The following OCA2 variants were observed in gnomAD, a reference collection of about 807,000 sequenced individuals.
The protein encoded by OCA2 is OCA2 melanosomal transmembrane protein.
OCA2 carries 77 observed loss-of-function variants against 100.2 expected under a neutral mutation model. That is an observed-to-expected ratio of 0.77 (90% CI 0.64 to 0.93). The LOEUF (loss-of-function observed/expected upper bound fraction) is 0.93, where lower values mean the gene tolerates loss of function less well. OCA2 is among the 40% of genes least tolerant of loss of function. The pLI is 0.00. For synonymous variants in OCA2, 432 were observed against 439.2 expected (o/e 0.98, Z 0.21); for missense variants, 1,062 against 1,089.1 (o/e 0.98, Z 0.35).
At chr15:27,871,798 T>A (rs937377321) in intron 20 of OCA2, 65 bp downstream of exon 20, 5 of 1,194,828 alleles carry the variant, frequency 4.2e-6, no homozygotes, top group African/African-American at 1.5e-5. Flanking sequence ...CTTTTTTTTT[T>A]TAATTTTTTT....
intron 22 of OCA2, among the ~76,000 whole-genome samples, chr15:27,846,173 G>GC (rs1430635027): frequency 6.6e-6 from 1 of 152,068 alleles, no homozygotes; most frequent in African/African-American, 2.4e-5. Context: ...GGCCCAGACA[G>GC]CCCCCTCTGG....
At chr15:27,864,347 G>A (rs776350840) in intron 21 of OCA2, among the ~76,000 whole-genome samples, 10 of 152,164 alleles carry the variant, frequency 6.6e-5, no homozygotes, top group South Asian at 2.1e-4. Context: ...ATTGCAATCC[G>A]CCAGGCTGGG....
the OCA2 span, among the ~76,000 whole-genome samples, chr15:27,725,353 G>A: frequency 1.3e-5 from 2 of 152,154 alleles, no homozygotes; most frequent in Non-Finnish European, 2.9e-5. Context: ...AAGGTGGGTG[G>A]ATCACCTGAG....
chr15:27,857,344 T>C (rs894166166), intron 21 of OCA2, among the ~76,000 whole-genome samples: 4 of 152,172 alleles, frequency 2.6e-5, no homozygotes, highest in African/African-American at 9.7e-5. Flanking sequence ...TCAGGGCTTA[T>C]CTAGAATATT....
chr15:28,019,964 G>A (rs2141274774), intron 6 of OCA2, among the ~76,000 whole-genome samples: 1 of 152,288 alleles, frequency 6.6e-6, no homozygotes, highest in Non-Finnish European at 1.5e-5. Context: ...GCCTGCTGGA[G>A]GCTCAAATCA....
At position 28,024,743 on chromosome 15, in the gene OCA2, A is replaced by C. The variant is rs917461278; in HGVS notation, c.573+102T>G. 100 of 1,201,744 alleles carry C rather than the reference A, an allele frequency of 8.3e-5. 1 individual carries two copies. The highest frequency in any genetic ancestry group is 2.7e-4 in the South Asian group (22 of 82,644). 74.4% of individuals were successfully genotyped at this position (1,201,744 alleles called of 1,614,324 possible). A position where few individuals can be genotyped will look rare whatever the true frequency, so the allele number is the denominator to read the frequency against. On this transcript the variant is annotated intron_variant, in intron 5 of 23. Transcript: ENST00000354638. ...GTCAGAGAATCAGGCGAAGAGGGCC[A>C]GGCACTGAGCCCCACACCTCAGGTT...
chr15:27,967,801 G>T (rs975193431), intron 14 of OCA2, among the ~76,000 whole-genome samples: 2 of 152,272 alleles, frequency 1.3e-5, no homozygotes, highest in Non-Finnish European at 2.9e-5. Context: ...AGGTTGATTT[G>T]TCCTGGAATA....
At chr15:27,784,724 C>T (rs1418953248) in intron 23 of OCA2, among the ~76,000 whole-genome samples, 6 of 152,040 alleles carry the variant, frequency 3.9e-5, no homozygotes, top group Admixed American at 2.0e-4. Context: ...TCACTATAGG[C>T]CTAACAAATC....
At chr15:27,969,613 C>T (rs3884517) in intron 14 of OCA2, among the ~76,000 whole-genome samples, 77,041 of 152,186 alleles carry the variant, frequency 0.51, 24,043 homozygotes, top group Non-Finnish European at 0.71. Flanking sequence ...ATAGGCTCCA[C>T]TCAGTCATTT....
chr15:27,761,519 A>G (rs546214451), intron 23 of OCA2, among the ~76,000 whole-genome samples: 19 of 152,140 alleles, frequency 1.2e-4, no homozygotes, highest in African/African-American at 4.3e-4. Context: ...GTGTTCATTA[A>G]TGGAAGACTC....
intron 19 of OCA2, among the ~76,000 whole-genome samples, chr15:27,892,775 T>C (rs574642808): frequency 6.5e-4 from 99 of 152,256 alleles, no homozygotes; most frequent in African/African-American, 2.3e-3. Flanking sequence ...GAAAAGGCTG[T>C]TTCTTTGGGT....
chr15:27,867,415 TAA>T (rs1438588654), intron 21 of OCA2, among the ~76,000 whole-genome samples: 1 of 152,228 alleles, frequency 6.6e-6, no homozygotes, highest in Non-Finnish European at 1.5e-5. Flanking sequence ...ACTATTCTCT[TAA>T]AAGATAATCT....
chr15:27,858,686 T>C (rs1297132609), intron 21 of OCA2, among the ~76,000 whole-genome samples: 2 of 151,850 alleles, frequency 1.3e-5, no homozygotes, highest in Non-Finnish European at 2.9e-5. Context: ...CACCTAAAAA[T>C]AGAACGTGGA....
At chr15:27,968,637 T>C (rs1291247606) in intron 14 of OCA2, among the ~76,000 whole-genome samples, 1 of 152,236 alleles carries the variant, frequency 6.6e-6, no homozygotes, top group Non-Finnish European at 1.5e-5. Flanking sequence ...ATCAATGAAG[T>C]TGTGTAAAAG....
intron 23 of OCA2, among the ~76,000 whole-genome samples, chr15:27,774,906 C>G (rs997549782): frequency 6.6e-6 from 1 of 152,136 alleles, no homozygotes; most frequent in Non-Finnish European, 1.5e-5. Context: ...TCCAGGCTCC[C>G]GAACGGTACA....
At chr15:27,999,824 A>G (rs1456682271) in intron 9 of OCA2, among the ~76,000 whole-genome samples, 1 of 152,206 alleles carries the variant, frequency 6.6e-6, no homozygotes, top group Non-Finnish European at 1.5e-5. Context: ...TCAATATGCT[A>G]ACAATGTACT....
chr15:28,074,761 C>T (rs920630589), intron 2 of OCA2, among the ~76,000 whole-genome samples: 2 of 151,138 alleles, frequency 1.3e-5, no homozygotes, highest in East Asian at 1.9e-4. Context: ...GCAGGAGAAT[C>T]GCTTGAACCC....
intron 23 of OCA2, among the ~76,000 whole-genome samples, chr15:27,810,225 T>C (rs751013316): frequency 2.0e-5 from 3 of 152,202 alleles, no homozygotes; most frequent in Non-Finnish European, 2.9e-5. Flanking sequence ...CCAATTGATC[T>C]TTGACAAAGC....
intron 2 of OCA2, 75 bp downstream of exon 2, chr15:28,081,573 G>A: frequency 5.6e-6 from 8 of 1,423,348 alleles, no homozygotes; most frequent in South Asian, 3.6e-5. Flanking sequence ...CACAACAAAC[G>A]TGGGGGAACG....
Sources: allele counts gnomAD v4.1 joint callset (sites outside exome capture counted in the v4.1 genomes callset), GRCh38; gene constraint gnomAD v4.1.1; transcripts MANE v1.5; gene names NCBI Gene and HGNC (gene_info 2026-07-23, HGNC 2026-07-21).